The following GSK3B variants were observed in gnomAD, a reference collection of about 807,000 sequenced individuals.
GSK3B encodes the protein glycogen synthase kinase-3 beta.
GSK3B carries 15 observed loss-of-function variants against 56.4 expected under a neutral mutation model. The ratio of observed to expected loss-of-function variants is 0.27; its 90% CI spans 0.18 to 0.41. The LOEUF is 0.41. Ranked by LOEUF, GSK3B falls within the 10% of genes least tolerant of loss-of-function variation. GSK3B has a pLI of 1.00. For missense variants in GSK3B, 300 were observed against 513.4 expected (o/e 0.58, Z 4.02); for synonymous variants, 181 against 188.9 (o/e 0.96, Z 0.34).
At chr3:119,928,676 A>G (rs1478256194) in intron 3 of GSK3B, among the ~76,000 whole-genome samples, 1 of 150,830 alleles carries the variant, frequency 6.6e-6, no homozygotes, top group Non-Finnish European at 1.5e-5. Flanking sequence ...GAAAATCAGG[A>G]GAAGGAAGAA....
chr3:120,017,363 A>G (rs2057836022), intron 1 of GSK3B, among the ~76,000 whole-genome samples: 3 of 152,348 alleles, frequency 2.0e-5, no homozygotes, highest in South Asian at 2.1e-4. Flanking sequence ...ATCTTTAGTG[A>G]CAGTAATACC....
chr3:119,994,379 CCATT>C (rs1273714976), intron 2 of GSK3B, among the ~76,000 whole-genome samples: 1 of 151,942 alleles, frequency 6.6e-6, no homozygotes, highest in Admixed American at 6.6e-5. Flanking sequence ...CCATTTGTAG[CCATT>C]ATTATAATAA....
At position 119,826,224 on chromosome 3, in the gene GSK3B, A is replaced by T; in HGVS notation, c.*564T>A. The T allele has an allele frequency of 3.6e-6, 1 of 277,734 alleles. No homozygotes were observed. Among genetic ancestry groups the T allele is most frequent in the Non-Finnish European group, 6.9e-6 (1 of 145,734 alleles). 17.2% of individuals were successfully genotyped at this position (277,734 alleles called of 1,614,324 possible). A position where few individuals can be genotyped will look rare whatever the true frequency, so the allele number is the denominator to read the frequency against. ...AATGATACACATTTCTTTGTCTGCC[A>T]CACCTGCCACCAACATGCCAAAGGC... On this transcript the variant is annotated 3_prime_UTR_variant, in exon 11 of 11. Coordinates refer to ENST00000264235, the MANE Select transcript of GSK3B (RefSeq NM_001146156.2).
chr3:119,951,969 A>G (rs1022578460), intron 2 of GSK3B, among the ~76,000 whole-genome samples: 1 of 151,692 alleles, frequency 6.6e-6, no homozygotes, highest in Non-Finnish European at 1.5e-5. Context: ...AAAAAAACCC[A>G]GTGAACTTGA....
At chr3:119,962,427 C>A (rs2057281497) in intron 2 of GSK3B, among the ~76,000 whole-genome samples, 1 of 150,510 alleles carries the variant, frequency 6.6e-6, no homozygotes, top group Non-Finnish European at 1.5e-5. Flanking sequence ...ATAACTAACA[C>A]ATCATACACA....
chr3:119,988,097 A>T (rs2057532873), intron 2 of GSK3B, among the ~76,000 whole-genome samples: 1 of 152,166 alleles, frequency 6.6e-6, no homozygotes. Flanking sequence ...GTGCTCTTAA[A>T]TGCAGGTTTC....
At chr3:119,959,283 T>C (rs981100114) in intron 2 of GSK3B, among the ~76,000 whole-genome samples, 2 of 152,176 alleles carry the variant, frequency 1.3e-5, no homozygotes, top group Admixed American at 1.3e-4. Flanking sequence ...TGTATATCTC[T>C]AGACCAGACC....
intron 1 of GSK3B, among the ~76,000 whole-genome samples, chr3:120,013,014 G>A (rs1008414558): frequency 3.9e-5 from 6 of 151,960 alleles, no homozygotes; most frequent in Admixed American, 3.9e-4. Flanking sequence ...CAAAAGCCTT[G>A]GCGGTTTAGG....
chr3:119,844,827 C>A (rs2055833571), intron 9 of GSK3B, among the ~76,000 whole-genome samples: 1 of 152,280 alleles, frequency 6.6e-6, no homozygotes, highest in East Asian at 1.9e-4. Flanking sequence ...CAGCATCATC[C>A]TGATAGCAAA....
chr3:119,840,090 CA>C (rs2108008352), intron 10 of GSK3B, among the ~76,000 whole-genome samples: 1 of 152,276 alleles, frequency 6.6e-6, no homozygotes, highest in African/African-American at 2.4e-5. Context: ...AGCAGTCCCT[CA>C]CTCTGTCTGT....
intron 3 of GSK3B, among the ~76,000 whole-genome samples, chr3:119,925,564 A>G (rs1005630697): frequency 5.3e-5 from 8 of 152,146 alleles, no homozygotes; most frequent in African/African-American, 1.9e-4. Context: ...TAAGGCAAAC[A>G]TCACTACATG....
intron 1 of GSK3B, among the ~76,000 whole-genome samples, chr3:120,019,494 A>T (rs114761511): frequency 1.5e-3 from 228 of 152,266 alleles, no homozygotes; most frequent in Middle Eastern, 3.4e-3. Context: ...AATCTATCTC[A>T]AACAATTTCT....
At chr3:119,898,369 C>T (rs2056591209) in intron 7 of GSK3B, among the ~76,000 whole-genome samples, 1 of 152,008 alleles carries the variant, frequency 6.6e-6, no homozygotes, top group African/African-American at 2.4e-5. Flanking sequence ...ATTGTGGGGA[C>T]CATGTGTAAT....
intron 7 of GSK3B, among the ~76,000 whole-genome samples, chr3:119,893,969 C>A (rs867707333): frequency 6.6e-6 from 1 of 151,814 alleles, no homozygotes. Context: ...GGTGTGCAAT[C>A]ATCACTGCTG....
rs1195120758 is a variant in GSK3B, at chr3:119,922,208, GGGAA to G, written c.477+1161_477+1164del. Among the ~76,000 whole-genome samples the G allele has an allele frequency of 1.2e-3, 119 of 99,322 alleles. 1 individual carries two copies. Among genetic ancestry groups the G allele is most frequent in the African/African-American group, 5.1e-3 (112 of 22,112 alleles). 65.2% of individuals were successfully genotyped at this position (99,322 alleles called of 152,430 possible). ...AGGTAGGTAGGTAGGTAGGGAAGGA[GGGAA>G]GGAAGGAAGGAAGGAGGGAAGGAAG... On this transcript the variant is annotated intron_variant, in intron 4 of 10. Coordinates refer to ENST00000264235, the MANE Select transcript of GSK3B (RefSeq NM_001146156.2).
intron 2 of GSK3B, among the ~76,000 whole-genome samples, chr3:119,973,689 A>G (rs1203573317): frequency 6.6e-6 from 1 of 152,234 alleles, no homozygotes; most frequent in East Asian, 1.9e-4. Flanking sequence ...TTTACAGTAT[A>G]CTGTAATTAT....
intron 4 of GSK3B, among the ~76,000 whole-genome samples, chr3:119,922,810 C>T (rs960801126): frequency 1.3e-5 from 2 of 152,090 alleles, no homozygotes; most frequent in South Asian, 2.1e-4. Flanking sequence ...TAACTAACCA[C>T]AACTTTAATA....
chr3:119,823,536 G>A lies in GSK3B; in HGVS notation c.*3252C>T, dbSNP rs1395130078. Reference sequence around the variant, plus strand: ...TAAAAGAGGAGAGAGAGAGAGCATGGAAGGCTCCCAGAATCTGCTGTTTTT... The same window carrying A: ...TAAAAGAGGAGAGAGAGAGAGCATGAAAGGCTCCCAGAATCTGCTGTTTTT... On this transcript the variant is annotated 3_prime_UTR_variant, in exon 11 of 11. Coordinates refer to ENST00000264235, the MANE Select transcript of GSK3B (RefSeq NM_001146156.2). 4 of 188,354 alleles carry A rather than the reference G, an allele frequency of 2.1e-5. No individual in the cohort carries two copies. Among genetic ancestry groups the A allele is most frequent in the Non-Finnish European group, 3.4e-5 (3 of 89,488 alleles). The allele number at this position is 188,354 out of a possible 1,614,324, so 11.7% of individuals were successfully genotyped here.
chr3:119,884,159 C>T (rs971552327), intron 7 of GSK3B, among the ~76,000 whole-genome samples: 1 of 152,002 alleles, frequency 6.6e-6, no homozygotes, highest in Admixed American at 6.6e-5. Context: ...TGGGTGAGGT[C>T]CCATAAGACA....
Sources: gnomAD v4.1 joint callset for allele counts (sites outside exome capture counted in the v4.1 genomes callset) on GRCh38, gnomAD v4.1.1 for gene constraint, MANE v1.5 for transcripts, NCBI Gene and HGNC (gene_info 2026-07-23, HGNC 2026-07-21) for gene names.